Variants in TENM3 observed in about 807,000 individuals in gnomAD.
TENM3 encodes the protein teneurin-3.
TENM3 carries 63 observed loss-of-function variants against 255.1 expected under a neutral mutation model. The observed-to-expected ratio is 0.25, with a 90% CI of 0.20 to 0.30. TENM3 has a LOEUF of 0.30. Among genes scored for constraint, TENM3 ranks in the 10% least tolerant of loss-of-function variants. The probability of loss-of-function intolerance (pLI) is 1.00; values close to 1 mark genes in which losing one functional copy is unlikely to be tolerated. For synonymous variants in TENM3, 1,306 were observed against 1,322.3 expected (o/e 0.99, Z 0.27); for missense variants, 2,929 against 3,461.1 (o/e 0.85, Z 3.86).
At chr4:181,544,057 T>G in the TENM3 span, among the ~76,000 whole-genome samples, 2 of 152,142 alleles carry the variant, frequency 1.3e-5, no homozygotes, top group East Asian at 3.9e-4. Flanking sequence ...AATGAGATGA[T>G]TTAATTTTTA....
intron 1 of TENM3, among the ~76,000 whole-genome samples, chr4:182,275,974 A>T (rs536407079): frequency 1.6e-4 from 24 of 152,214 alleles, no homozygotes; most frequent in South Asian, 4.2e-4. Flanking sequence ...ATCAAAAAAA[A>T]TTTTTTTAAG....
chr4:182,744,666 G>T (rs1487705619), intron 19 of TENM3, among the ~76,000 whole-genome samples: 1 of 152,060 alleles, frequency 6.6e-6, no homozygotes, highest in Non-Finnish European at 1.5e-5. Context: ...AGAGTGAGAG[G>T]CCCCAAAACT....
At chr4:181,894,089 C>T in the TENM3 span, among the ~76,000 whole-genome samples, 1 of 151,822 alleles carries the variant, frequency 6.6e-6, no homozygotes, top group Non-Finnish European at 1.5e-5. Context: ...AACCTAAACA[C>T]CTGCAAAGAG....
chr4:182,513,606 TA>T (rs1737636074), intron 3 of TENM3, among the ~76,000 whole-genome samples: 1 of 152,156 alleles, frequency 6.6e-6, no homozygotes, highest in Non-Finnish European at 1.5e-5. Context: ...GAGTTAGTAA[TA>T]GGGAGATGGA....
chr4:181,605,449 A>C, the TENM3 span, among the ~76,000 whole-genome samples: 1 of 83,290 alleles, frequency 1.2e-5, no homozygotes, highest in Non-Finnish European at 2.8e-5. Context: ...ATCAAAAGAA[A>C]GAAAGAGAGA....
At chr4:182,389,660 T>C (rs1768268702) in intron 3 of TENM3, among the ~76,000 whole-genome samples, 1 of 150,898 alleles carries the variant, frequency 6.6e-6, no homozygotes, top group African/African-American at 2.4e-5. Context: ...CACAAGACTG[T>C]AGTTGCAAAG....
At chr4:182,166,772 C>A (rs1751751658) in intron 1 of TENM3, among the ~76,000 whole-genome samples, 1 of 152,144 alleles carries the variant, frequency 6.6e-6, no homozygotes, top group Non-Finnish European at 1.5e-5. Context: ...GCTGGAATTA[C>A]AAGCAAGATT....
chr4:182,141,229 G>C (rs1245077182), upstream of TENM3: 2 of 152,254 alleles, frequency 1.3e-5, no homozygotes, highest in Admixed American at 1.3e-4. Context: ...GCTGAGAGCG[G>C]CCAGAGGCTT....
intron 1 of TENM3, among the ~76,000 whole-genome samples, chr4:182,205,082 C>T (rs529529835): frequency 7.9e-5 from 12 of 152,264 alleles, no homozygotes; most frequent in South Asian, 2.1e-4. Context: ...CAGTAAAATA[C>T]GGTTTGAGAA....
chr4:182,114,212 T>C, the TENM3 span, among the ~76,000 whole-genome samples: 2 of 152,134 alleles, frequency 1.3e-5, no homozygotes, highest in African/African-American at 2.4e-5. Context: ...TTAAAAGCAG[T>C]TGTTGAGAAA....
chr4:182,511,429 A>G (rs1224935990), intron 3 of TENM3, among the ~76,000 whole-genome samples: 1 of 152,168 alleles, frequency 6.6e-6, no homozygotes, highest in Admixed American at 6.5e-5. Context: ...AGAGTAATTA[A>G]ATTGATAATT....
intron 4 of TENM3, among the ~76,000 whole-genome samples, chr4:182,621,978 A>C (rs1311724051): frequency 6.6e-6 from 1 of 150,376 alleles, no homozygotes; most frequent in African/African-American, 2.5e-5. Flanking sequence ...TAGAACAAAT[A>C]ACAAAATATA....
the TENM3 span, among the ~76,000 whole-genome samples, chr4:181,727,754 G>A: frequency 6.6e-6 from 1 of 152,102 alleles, no homozygotes; most frequent in Non-Finnish European, 1.5e-5. Flanking sequence ...TCTCTTTCTG[G>A]TTCCCAAGCT....
At chr4:182,426,148 G>A (rs1405009763) in intron 3 of TENM3, among the ~76,000 whole-genome samples, 1 of 152,028 alleles carries the variant, frequency 6.6e-6, no homozygotes, top group Non-Finnish European at 1.5e-5. Flanking sequence ...ACTTTAAGCA[G>A]GGCCAATATT....
chr4:181,706,527 A>C, the TENM3 span, among the ~76,000 whole-genome samples: 1 of 152,226 alleles, frequency 6.6e-6, no homozygotes, highest in South Asian at 2.1e-4. Flanking sequence ...CAATCAACAT[A>C]TTAGAATTTC....
the TENM3 span, among the ~76,000 whole-genome samples, chr4:181,904,333 G>A: frequency 1.3e-5 from 2 of 152,018 alleles, no homozygotes; most frequent in African/African-American, 4.8e-5. Flanking sequence ...GAACCAAGCA[G>A]ATCATGTAAC....
chr4:181,658,344 G>A, the TENM3 span, among the ~76,000 whole-genome samples: 70 of 152,258 alleles, frequency 4.6e-4, 1 homozygote, highest in East Asian at 0.012. Context: ...TAAGTGAGAC[G>A]GTGGTGAAAT....
At position 182,801,721 on chromosome 4, in the gene TENM3, C is replaced by A. The variant is rs1766980557; in HGVS notation, c.*1370C>A. The A allele has an allele frequency of 6.6e-6, 1 of 152,030 alleles. No homozygotes were observed. Among genetic ancestry groups the A allele is most frequent in the Admixed American group, 6.6e-5 (1 of 15,242 alleles). 9.4% of individuals were successfully genotyped at this position (152,030 alleles called of 1,614,324 possible). A position where few individuals can be genotyped will look rare whatever the true frequency, so the allele number is the denominator to read the frequency against. ...TCAGGGTTACTCTAAGCCCACATGA[C>A]CAAACCATCTTGGGGGGCTGGTTTG... On this transcript the variant is annotated 3_prime_UTR_variant, in exon 28 of 28. Coordinates refer to ENST00000511685, the MANE Select transcript of TENM3 (RefSeq NM_001080477.4).
chr4:181,696,694 A>G, the TENM3 span, among the ~76,000 whole-genome samples: 1 of 152,156 alleles, frequency 6.6e-6, no homozygotes, highest in Non-Finnish European at 1.5e-5. Context: ...CGCACTCACT[A>G]AGGTTAACCA....
Sources: allele counts gnomAD v4.1 joint callset (sites outside exome capture counted in the v4.1 genomes callset), GRCh38; gene constraint gnomAD v4.1.1; transcripts MANE v1.5; gene names NCBI Gene and HGNC (gene_info 2026-07-23, HGNC 2026-07-21).